The following PLCB1 variants were observed in gnomAD, a reference collection of about 807,000 sequenced individuals.
PLCB1 encodes the protein phospholipase C beta 1, also known as 1-phosphatidylinositol 4,5-bisphosphate phosphodiesterase beta-1.
A neutral mutation model predicts 161.8 loss-of-function variants in PLCB1; 46 were observed. The observed-to-expected ratio is 0.28, with a 90% CI of 0.22 to 0.36. PLCB1 has a LOEUF of 0.36. Among genes scored for constraint, PLCB1 ranks in the 10% least tolerant of loss-of-function variants. The probability of loss-of-function intolerance (pLI) is 1.00; values close to 1 mark genes in which losing one functional copy is unlikely to be tolerated. For synonymous variants in PLCB1, 517 were observed against 503.7 expected (o/e 1.03, Z -0.35); for missense variants, 1,016 against 1,472.5 (o/e 0.69, Z 5.07).
chr20:8,607,906 A>G (rs1273087902), intron 3 of PLCB1, among the ~76,000 whole-genome samples: 1 of 152,202 alleles, frequency 6.6e-6, no homozygotes, highest in African/African-American at 2.4e-5. Flanking sequence ...ATGATCCCCC[A>G]AACTGATATG....
At chr20:8,183,404 C>T (rs980172271) in intron 2 of PLCB1, among the ~76,000 whole-genome samples, 1 of 152,176 alleles carries the variant, frequency 6.6e-6, no homozygotes, top group Non-Finnish European at 1.5e-5. Context: ...ATCTAAAACT[C>T]TCTGCTCTGT....
intron 31 of PLCB1, among the ~76,000 whole-genome samples, chr20:8,803,977 G>A (rs1374932724): frequency 6.6e-6 from 1 of 152,032 alleles, no homozygotes; most frequent in Non-Finnish European, 1.5e-5. Flanking sequence ...ATTTTTAGTA[G>A]AAATGGGATT....
chr20:8,840,523 C>T (rs932347142), intron 31 of PLCB1, among the ~76,000 whole-genome samples: 3 of 152,138 alleles, frequency 2.0e-5, no homozygotes, highest in Non-Finnish European at 2.9e-5. Flanking sequence ...AAAGGTGGGA[C>T]GTCTGTAGAG....
At chr20:8,827,155 G>A (rs566711224) in intron 31 of PLCB1, among the ~76,000 whole-genome samples, 58 of 152,244 alleles carry the variant, frequency 3.8e-4, no homozygotes, top group African/African-American at 1.4e-3. Context: ...TTTTGTAATA[G>A]ACATTGAATA....
chr20:8,795,726 T>G (rs1251635146), intron 31 of PLCB1, among the ~76,000 whole-genome samples: 2 of 151,984 alleles, frequency 1.3e-5, no homozygotes, highest in African/African-American at 2.4e-5. Flanking sequence ...AATACAAAAA[T>G]TAGCCAGGTG....
intron 4 of PLCB1, among the ~76,000 whole-genome samples, chr20:8,629,866 TTTCTTTC>T (rs1988492823): frequency 1.0e-5 from 1 of 98,832 alleles, no homozygotes; most frequent in South Asian, 3.0e-4. Context: ...TCTTTCTTTC[TTTCTTTC>T]TTTCTCTCTC....
intron 9 of PLCB1, among the ~76,000 whole-genome samples, chr20:8,662,313 G>A (rs1414960325): frequency 1.0e-5 from 1 of 95,498 alleles, no homozygotes; most frequent in Non-Finnish European, 2.0e-5. Flanking sequence ...ATATAATTAT[G>A]TATAATATGT....
intron 9 of PLCB1, among the ~76,000 whole-genome samples, chr20:8,676,257 A>C (rs1443731183): frequency 1.3e-5 from 2 of 152,214 alleles, no homozygotes. Context: ...GCTACTCAGG[A>C]GGCTGAGGCA....
chr20:8,497,415 A>T (rs548705235), intron 3 of PLCB1, among the ~76,000 whole-genome samples: 1 of 152,212 alleles, frequency 6.6e-6, no homozygotes, highest in African/African-American at 2.4e-5. Context: ...AACTCATAAG[A>T]TGATATTTTC....
At chr20:8,821,971 T>C (rs372273957) in intron 31 of PLCB1, among the ~76,000 whole-genome samples, 5 of 152,302 alleles carry the variant, frequency 3.3e-5, no homozygotes, top group African/African-American at 9.6e-5. Flanking sequence ...CTGCAGTTCT[T>C]GGTTCAAATG....
In PLCB1 at chr20:8,141,271, G is replaced by A. The variant is rs375082635; in HGVS notation, c.99+8521G>A. On this transcript the variant is annotated intron_variant, in intron 1 of 31. Transcript: ENST00000338037. ...CTTTTTCATGGTGTATGTACAGTCC[G>A]TTTTTGTCTACACTGTGCAAGATGT... Among the ~76,000 whole-genome samples, 10 of 152,188 alleles carry A rather than the reference G, an allele frequency of 6.6e-5. No individual in the cohort carries two copies. In the East Asian group the frequency reaches 9.6e-4, roughly 15 times the overall value.
chr20:8,842,608 A>T (rs1258790173), intron 31 of PLCB1, among the ~76,000 whole-genome samples: 2 of 152,170 alleles, frequency 1.3e-5, no homozygotes, highest in Admixed American at 6.5e-5. Context: ...CGGCAGACTT[A>T]TGTCTCCAAA....
At chr20:8,594,686 C>CA (rs78007109) in intron 3 of PLCB1, among the ~76,000 whole-genome samples, 149 of 135,758 alleles carry the variant, frequency 1.1e-3, no homozygotes, top group Admixed American at 2.4e-3. Flanking sequence ...TTGAGGAAAC[C>CA]AAAAAAAAAA....
intron 2 of PLCB1, among the ~76,000 whole-genome samples, chr20:8,187,636 A>G (rs2051919683): frequency 6.6e-6 from 1 of 152,082 alleles, no homozygotes; most frequent in South Asian, 2.1e-4. Flanking sequence ...TTAGACTTGT[A>G]GAAAAGGTCC....
intron 3 of PLCB1, among the ~76,000 whole-genome samples, chr20:8,381,744 G>A (rs1459414698): frequency 6.6e-6 from 1 of 152,166 alleles, no homozygotes; most frequent in Non-Finnish European, 1.5e-5. Context: ...GGTGTTTATA[G>A]TATTCTCTGA....
At chr20:8,312,648 A>C (rs1169136239) in intron 2 of PLCB1, among the ~76,000 whole-genome samples, 2 of 152,190 alleles carry the variant, frequency 1.3e-5, no homozygotes, top group Admixed American at 1.3e-4. Flanking sequence ...GGGAAAAAAC[A>C]AGGCAAAGCA....
At chr20:8,375,007 G>A (rs370074946) in intron 3 of PLCB1, among the ~76,000 whole-genome samples, 17 of 152,250 alleles carry the variant, frequency 1.1e-4, no homozygotes, top group Admixed American at 4.6e-4. Context: ...AAGCTTCCAT[G>A]TGTTACCCTG....
At chr20:8,280,110 C>T (rs992860959) in intron 2 of PLCB1, among the ~76,000 whole-genome samples, 38 of 152,056 alleles carry the variant, frequency 2.5e-4, no homozygotes, top group Non-Finnish European at 8.8e-5. Context: ...CTGAGGCGGG[C>T]GGATCACCTG....
At chr20:8,859,538 A>G (rs1568627832) in intron 31 of PLCB1, among the ~76,000 whole-genome samples, 1 of 152,150 alleles carries the variant, frequency 6.6e-6, no homozygotes, top group Non-Finnish European at 1.5e-5. Flanking sequence ...TTTTCCTTCT[A>G]GAGATGGCAT....
Sources: allele counts gnomAD v4.1 joint callset (sites outside exome capture counted in the v4.1 genomes callset), GRCh38; gene constraint gnomAD v4.1.1; transcripts MANE v1.5; gene names NCBI Gene and HGNC (gene_info 2026-07-23, HGNC 2026-07-21).